The following REXO2 variants were observed in gnomAD, a reference collection of about 807,000 sequenced individuals.
REXO2 encodes RNA exonuclease 2.
A neutral mutation model predicts 30.9 loss-of-function variants in REXO2; 17 were observed. That is an observed-to-expected ratio of 0.55 (90% confidence interval 0.38 to 0.82). The LOEUF (loss-of-function observed/expected upper bound fraction) is 0.82, where lower values mean the gene tolerates loss of function less well. Ranked by LOEUF, REXO2 falls within the 40% of genes least tolerant of loss-of-function variation. The pLI, the probability that REXO2 is intolerant of heterozygous loss-of-function variation, is 0.00. For missense variants in REXO2, 253 were observed against 293.2 expected, an observed-to-expected ratio of 0.86 and a Z score of 1.00; for synonymous variants, 105 against 99.6, an observed-to-expected ratio of 1.05 and a Z score of -0.32.
At chr11:114,446,933 CTTTTTTTTT>C (rs539152554) in intron 5 of REXO2, among the ~76,000 whole-genome samples, 2 of 94,370 alleles carry the variant, frequency 2.1e-5, no homozygotes, top group Non-Finnish European at 4.0e-5. Context: ...AGAAAGGAGG[CTTTTTTTTT>C]TTTTTTTTTT....
At position 114,439,504 on chromosome 11, in the gene REXO2, G is replaced by A; in HGVS notation, c.-25G>A. 2 of 1,601,010 alleles carry A rather than the reference G, an allele frequency of 1.2e-6. No individual in the cohort carries two copies. The highest frequency in any genetic ancestry group is 8.5e-7 in the Non-Finnish European group (1 of 1,178,446). ...TGCGCCAGCGCCGGCTGCGAGACTG[G>A]GGCCGTGGCTGCTGGTCCCGGGTGA... On this transcript the variant is annotated 5_prime_UTR_variant, in exon 1 of 7. Transcript: ENST00000265881.
At chr11:114,448,206 T>G (rs1162298937) in intron 6 of REXO2, among the ~76,000 whole-genome samples, 1 of 152,184 alleles carries the variant, frequency 6.6e-6, no homozygotes, top group Admixed American at 6.5e-5. Flanking sequence ...CCTTTTGAAA[T>G]TAGAACACTT....
chr11:114,445,344 C>G (rs970864454), intron 4 of REXO2: 1 of 152,204 alleles, frequency 6.6e-6, no homozygotes, highest in Non-Finnish European at 1.5e-5. Context: ...TAATGTTTCT[C>G]TGAAGGTATA....
intron 6 of REXO2, 90 bp downstream of exon 6, chr11:114,447,969 T>A: frequency 1.0e-6 from 1 of 961,634 alleles, no homozygotes; most frequent in Non-Finnish European, 1.6e-6. Context: ...CCTTAACTCT[T>A]TTTTCTCGGG....
chr11:114,442,782 A>G (rs897426598), intron 2 of REXO2, among the ~76,000 whole-genome samples: 13 of 152,334 alleles, frequency 8.5e-5, no homozygotes, highest in Middle Eastern at 3.4e-3. Flanking sequence ...GTTAACTGCC[A>G]GGACTTATCT....
At chr11:114,441,828 G>A in intron 2 of REXO2, 1 of 697,470 alleles carries the variant, frequency 1.4e-6, no homozygotes, top group Admixed American at 2.0e-5. Context: ...TCAACTGTAG[G>A]AGAATCATGA....
chr11:114,442,140 C>T (rs1232695094), intron 2 of REXO2, among the ~76,000 whole-genome samples: 1 of 146,612 alleles, frequency 6.8e-6, no homozygotes, highest in Non-Finnish European at 1.5e-5. Flanking sequence ...TGGACTAAGT[C>T]AGATGAGGAT....
intron 4 of REXO2, 108 bp downstream of exon 4, chr11:114,444,760 T>G (rs1946502140): frequency 1.8e-6 from 1 of 561,284 alleles, no homozygotes; most frequent in Non-Finnish European, 2.8e-6. Flanking sequence ...CACTTAACCC[T>G]GCTTTGGGTT....
At chr11:114,447,008 C>T (rs932038477) in intron 5 of REXO2, among the ~76,000 whole-genome samples, 1 of 149,916 alleles carries the variant, frequency 6.7e-6, no homozygotes, top group African/African-American at 2.5e-5. Context: ...GCGCGATCTC[C>T]GCTCACTGCA....
intron 1 of REXO2, 124 bp from the exon 2 acceptor site, chr11:114,440,532 C>T: frequency 2.9e-6 from 2 of 693,496 alleles, no homozygotes; most frequent in Non-Finnish European, 4.9e-6. Context: ...AGCATTCTTT[C>T]TCTTCTGTTT....
At chr11:114,443,957 T>G (rs1946496598) in intron 3 of REXO2, 24 bp downstream of exon 3, 1 of 1,560,228 alleles carries the variant, frequency 6.4e-7, no homozygotes, top group African/African-American at 1.4e-5. Flanking sequence ...ATAACAGGAT[T>G]GCTGCTTTGG....
chr11:114,440,112 A>G, intron 1 of REXO2: 1 of 466,776 alleles, frequency 2.1e-6, no homozygotes. Context: ...AAGTGAGAAC[A>G]TTGAGGCCCA....
chr11:114,449,424 A>G (rs1426572152), intron 6 of REXO2, among the ~76,000 whole-genome samples: 58 of 110,830 alleles, frequency 5.2e-4, no homozygotes, highest in Admixed American at 5.1e-3. Flanking sequence ...AAAATTTATT[A>G]ATTTTAGAAA....
chr11:114,443,141 C>T (rs1051054022), intron 2 of REXO2, among the ~76,000 whole-genome samples: 5 of 151,686 alleles, frequency 3.3e-5, no homozygotes, highest in Non-Finnish European at 5.9e-5. Context: ...GATAGGGTCT[C>T]ACCCTGTCAC....
At chr11:114,444,712 C>A in intron 4 of REXO2, 60 bp downstream of exon 4, 1 of 1,105,090 alleles carries the variant, frequency 9.0e-7, no homozygotes, top group Non-Finnish European at 1.2e-6. Context: ...CAAGAGACTG[C>A]AGTTCCAGAA....
Position 114,439,469 on chromosome 11 carries a change from C to T in REXO2, c.-60C>T. 1 of 1,585,548 alleles carries T rather than the reference C, an allele frequency of 6.3e-7. No homozygotes were observed. Among genetic ancestry groups the T allele is most frequent in the Non-Finnish European group, 8.5e-7 (1 of 1,173,378 alleles). On this transcript the variant is annotated 5_prime_UTR_variant, in exon 1 of 7. Coordinates refer to ENST00000265881, the MANE Select transcript of REXO2 (RefSeq NM_015523.4). ...CCCGTGGGTTTGCGACGTTTAGCGA[C>T]TATTGCGCCTGCGCCAGCGCCGGCT...
chr11:114,444,428 G>T (rs1946499558), intron 3 of REXO2, 113 bp from the exon 4 acceptor site: 1 of 745,058 alleles, frequency 1.3e-6, no homozygotes, highest in Admixed American at 2.4e-5. Flanking sequence ...TCTAAAAATG[G>T]TCTATTTGTG....
chr11:114,444,404 A>G (rs1946499492), intron 3 of REXO2, 137 bp from the exon 4 acceptor site: 4 of 685,446 alleles, frequency 5.8e-6, no homozygotes, highest in South Asian at 3.3e-5. Context: ...GGCAGTTGCA[A>G]TTTGAACTTG....
At chr11:114,447,756 CTTGAAGGAGGTAA>C in intron 5 of REXO2, 57 bp from the exon 6 acceptor site, 1 of 1,320,538 alleles carries the variant, frequency 7.6e-7, no homozygotes, top group Non-Finnish European at 1.1e-6. Context: ...TAATGGATTA[CTTGAAGGAGGTAA>C]TTGTTCAGTA....
Sources: allele counts gnomAD v4.1 joint callset (sites outside exome capture counted in the v4.1 genomes callset), GRCh38; gene constraint gnomAD v4.1.1; transcripts MANE v1.5; gene names NCBI Gene and HGNC (gene_info 2026-07-23, HGNC 2026-07-21).